The following WDR43 variants were observed in gnomAD, a reference collection of about 807,000 sequenced individuals.
WDR43 encodes WD repeat-containing protein 43.
A neutral mutation model predicts 91.4 loss-of-function variants in WDR43; 13 were observed. The ratio of observed to expected loss-of-function variants is 0.14; its 90% CI spans 0.09 to 0.23. The LOEUF (loss-of-function observed/expected upper bound fraction) is 0.23. WDR43 is among the 10% of genes least tolerant of loss of function. The pLI, the probability that WDR43 is intolerant of heterozygous loss-of-function variation, is 1.00. For synonymous variants in WDR43, 331 were observed against 287.9 expected (o/e 1.15, Z -1.51); for missense variants, 780 against 809.4 (o/e 0.96, Z 0.44).
chr2:28,914,352 C>A, intron 5 of WDR43, 144 bp downstream of exon 5: 2 of 1,081,646 alleles, frequency 1.8e-6, no homozygotes, highest in Non-Finnish European at 2.5e-6. Context: ...ATTGAGCCTG[C>A]CTACAAAACA....
Position 28,917,928 on chromosome 2 carries a change from TGATGTCATTTA to T in WDR43, c.783_793del (p.Met262SerfsTer4). 1 of 1,586,834 alleles carries T rather than the reference TGATGTCATTTA, an allele frequency of 6.3e-7. No homozygotes were observed. Among genetic ancestry groups the T allele is most frequent in the Non-Finnish European group, 8.6e-7 (1 of 1,165,554 alleles). ...TCAGAAAACAAAGAAAAGAGTGCAGTGATGTCATTTACAGTTACCGATGAACCTGTCTATAT... is the reference window on the plus strand; with the variant it reads ...TCAGAAAACAAAGAAAAGAGTGCAGTCAGTTACCGATGAACCTGTCTATAT... On this transcript the variant is annotated frameshift_variant, in exon 6 of 18. Coordinates refer to ENST00000407426, the MANE Select transcript of WDR43 (RefSeq NM_015131.3). LOFTEE classifies it high-confidence loss of function.
chr2:28,918,074 T>G lies in WDR43; in HGVS notation c.849+79T>G, dbSNP rs376239365. 41 of 1,281,948 alleles carry G rather than the reference T, an allele frequency of 3.2e-5. No homozygotes were observed. The East Asian group carries it at 9.4e-4, about 29-fold the overall frequency. The allele number at this position is 1,281,948 out of a possible 1,614,324, so 79.4% of individuals were successfully genotyped here. On this transcript the variant is annotated intron_variant, in intron 6 of 17. Coordinates refer to ENST00000407426, the MANE Select transcript of WDR43 (RefSeq NM_015131.3). ...TACAGTCAAGGTTTTGATGATTTAA[T>G]GACTTGAGAAATAGAGAGGACCTGA...
intron 11 of WDR43, among the ~76,000 whole-genome samples, chr2:28,931,935 A>C (rs1050497390): frequency 1.4e-5 from 2 of 143,774 alleles, no homozygotes; most frequent in African/African-American, 2.6e-5. Context: ...CTGGAAGAGC[A>C]GTGTTGCAAT....
intron 3 of WDR43, among the ~76,000 whole-genome samples, chr2:28,911,172 T>G (rs1670790311): frequency 6.6e-6 from 1 of 152,172 alleles, no homozygotes; most frequent in South Asian, 2.1e-4. Flanking sequence ...ACTTTTAAAT[T>G]TAATCAGTTA....
intron 6 of WDR43, among the ~76,000 whole-genome samples, chr2:28,920,222 TTC>T (rs1049352340): frequency 6.0e-5 from 6 of 100,288 alleles, no homozygotes; most frequent in East Asian, 2.0e-4. Flanking sequence ...TTTTTTTTCT[TTC>T]TTTTTTTTTT....
intron 14 of WDR43, among the ~76,000 whole-genome samples, chr2:28,940,083 G>T (rs973225955): frequency 4.5e-5 from 6 of 134,382 alleles, no homozygotes; most frequent in African/African-American, 1.7e-4. Flanking sequence ...CTGCACTCCA[G>T]CCTGGGCGAC....
In WDR43 at chr2:28,898,383, T is replaced by G. The variant is rs550560747; in HGVS notation, c.225+3460T>G. Among the ~76,000 whole-genome samples, 3 of 152,354 alleles carry G rather than the reference T, an allele frequency of 2.0e-5. No homozygotes were observed. The South Asian group carries it at 6.2e-4, about 32-fold the overall frequency. ...GTCTGTCTTGAGGTCTTGCTAACAG[T>G]TAAACTTCCTAAGAAGTAAAGGTTG... On this transcript the variant is annotated intron_variant, in intron 1 of 17. Transcript: ENST00000407426.
At chr2:28,907,914 A>AAG (rs10676256) in intron 3 of WDR43, among the ~76,000 whole-genome samples, 1 of 151,588 alleles carries the variant, frequency 6.6e-6, no homozygotes, top group Non-Finnish European at 1.5e-5. Context: ...AAAAAAAAAA[A>AAG]GCCACTGCAG....
Position 28,902,013 on chromosome 2 carries a change from A to T in WDR43, c.252A>T (p.Lys84Asn). The change falls in exon 2 of 18, where the codon AAA becomes AAT. Residue 84 changes from lysine to asparagine, a missense_variant. Lys to Asn is a moderately conservative substitution (Grantham distance 94). Coordinates refer to ENST00000407426, the MANE Select transcript of WDR43 (RefSeq NM_015131.3). Reference protein sequence around the residue: ...AKESPQRKKRKSEAVGMSNQT... With the variant: ...AKESPQRKKRNSEAVGMSNQT... ...AAAGTCCCCAGAGGAAAAAAAGGAA[A>T]TCAGAAGCTGTAGGAATGAGTAACC... The T allele has an allele frequency of 6.3e-7, 1 of 1,595,220 alleles. No homozygotes were observed. Among genetic ancestry groups the T allele is most frequent in the Non-Finnish European group, 8.5e-7 (1 of 1,175,628 alleles).
intron 3 of WDR43, 150 bp from the exon 4 acceptor site, chr2:28,912,440 T>C (rs1415763862): frequency 1.1e-6 from 1 of 899,494 alleles, no homozygotes; most frequent in East Asian, 2.6e-5. Flanking sequence ...CAGGGTTAGT[T>C]ACCTGACACA....
chr2:28,906,069 G>A (rs115719564), intron 2 of WDR43, among the ~76,000 whole-genome samples: 48 of 151,894 alleles, frequency 3.2e-4, no homozygotes, highest in African/African-American at 1.2e-3. Context: ...TGACTCTAGG[G>A]TTCATATTAT....
chr2:28,912,868 T>G (rs761528669), intron 4 of WDR43, among the ~76,000 whole-genome samples, 158 bp downstream of exon 4: 1 of 152,182 alleles, frequency 6.6e-6, no homozygotes, highest in Non-Finnish European at 1.5e-5. Context: ...CTAATCTGAT[T>G]TGTTGATGTT....
chr2:28,919,638 AGAGC>A (rs1670982832), intron 6 of WDR43, among the ~76,000 whole-genome samples: 1 of 151,852 alleles, frequency 6.6e-6, no homozygotes, highest in Non-Finnish European at 1.5e-5. Context: ...CCTGGGTGAC[AGAGC>A]GAGACTCCGT....
intron 11 of WDR43, among the ~76,000 whole-genome samples, chr2:28,932,835 A>G (rs1279855422): frequency 1.3e-5 from 2 of 152,208 alleles, no homozygotes; most frequent in African/African-American, 4.8e-5. Context: ...CATGGCATCC[A>G]TAGGGGATAT....
chr2:28,927,187 A>C (rs772249737), intron 9 of WDR43: 11 of 515,172 alleles, frequency 2.1e-5, no homozygotes, highest in Non-Finnish European at 3.9e-5. Flanking sequence ...TAAAATGTGT[A>C]ACTTCACTTT....
chr2:28,896,287 T>A (rs1207041390), intron 1 of WDR43, among the ~76,000 whole-genome samples: 1 of 152,210 alleles, frequency 6.6e-6, no homozygotes, highest in Non-Finnish European at 1.5e-5. Flanking sequence ...TTCTAGCCTC[T>A]GCTTCATAGT....
intron 3 of WDR43, among the ~76,000 whole-genome samples, chr2:28,911,735 G>C (rs922355019): frequency 1.3e-5 from 2 of 151,412 alleles, no homozygotes; most frequent in Non-Finnish European, 2.9e-5. Context: ...GGGCTCAAGC[G>C]ATCCTACCAT....
chr2:28,940,488 C>T (rs1488926096), intron 14 of WDR43, among the ~76,000 whole-genome samples: 1 of 152,106 alleles, frequency 6.6e-6, no homozygotes, highest in Non-Finnish European at 1.5e-5. Flanking sequence ...CCTCAGCCTC[C>T]CAAAGTGCTG....
chr2:28,919,354 A>G (rs1460354553), intron 6 of WDR43, among the ~76,000 whole-genome samples: 1 of 152,206 alleles, frequency 6.6e-6, no homozygotes, highest in Non-Finnish European at 1.5e-5. Context: ...GTGATTCCCT[A>G]TAAAGATTTT....
Sources: gnomAD v4.1 joint callset for allele counts (sites outside exome capture counted in the v4.1 genomes callset) on GRCh38, gnomAD v4.1.1 for gene constraint, MANE v1.5 for transcripts, NCBI Gene and HGNC (gene_info 2026-07-23, HGNC 2026-07-21) for gene names.